MYO16: variants seen among roughly 807,000 people sequenced by gnomAD.
MYO16 encodes unconventional myosin-XVI.
In MYO16, 94 loss-of-function variants were observed where a neutral mutation model predicts 205.3. That is an observed-to-expected ratio of 0.46 (90% CI 0.39 to 0.54). MYO16 has a LOEUF of 0.54. MYO16 is among the 20% of genes least tolerant of loss of function. The pLI is 0.00. For missense variants in MYO16, 2,315 were observed against 2,387.5 expected (o/e 0.97, Z 0.63); for synonymous variants, 988 against 954.0 (o/e 1.04, Z -0.66).
the MYO16 span, among the ~76,000 whole-genome samples, chr13:108,554,759 A>C: frequency 6.8e-6 from 1 of 147,652 alleles, no homozygotes; most frequent in Non-Finnish European, 1.5e-5. Context: ...CTGAGGCAGG[A>C]GAATGACGTG....
intron 2 of MYO16, among the ~76,000 whole-genome samples, chr13:108,700,023 G>A (rs143399256): frequency 1.3e-4 from 20 of 152,078 alleles, no homozygotes; most frequent in African/African-American, 4.8e-4. Flanking sequence ...TTAATCAAAG[G>A]CTTCCAACAA....
intron 1 of MYO16, among the ~76,000 whole-genome samples, chr13:108,636,172 A>T (rs1264050077): frequency 2.0e-5 from 3 of 151,940 alleles, no homozygotes; most frequent in African/African-American, 7.3e-5. Context: ...TGATCCATTG[A>T]TTTAGTTTAA....
intron 1 of MYO16, among the ~76,000 whole-genome samples, chr13:108,623,894 GA>G (rs1476785599): frequency 6.6e-6 from 1 of 151,894 alleles, no homozygotes; most frequent in Non-Finnish European, 1.5e-5. Flanking sequence ...ACTGGTACAT[GA>G]AAAAAATGAA....
chr13:108,662,458 T>A (rs866524456), intron 1 of MYO16, among the ~76,000 whole-genome samples: 1 of 152,152 alleles, frequency 6.6e-6, no homozygotes, highest in Non-Finnish European at 1.5e-5. Flanking sequence ...GGTCTTGCTG[T>A]GGCTGCTTTG....
In MYO16 at chr13:109,028,771, C is replaced by T. The variant is rs189245965; in HGVS notation, c.2796+8860C>T. 3.9e-4 allele frequency among the ~76,000 whole-genome samples: 59 copies of T among 151,538 alleles called. No individual in the cohort carries two copies. The Middle Eastern group carries it at 0.014, about 35-fold the overall frequency. On this transcript the variant is annotated intron_variant, in intron 23 of 34. Coordinates refer to ENST00000457511, the MANE Select transcript of MYO16 (RefSeq NM_001198950.3). ...ACAGATAAAATTGTAATCTCAGACA[C>T]GTAGGCCCTGATCATTACTGTTCAT...
intron 22 of MYO16, among the ~76,000 whole-genome samples, chr13:109,009,700 A>G (rs1401902543): frequency 2.0e-5 from 3 of 152,216 alleles, no homozygotes; most frequent in African/African-American, 7.2e-5. Context: ...TTGAAAACAG[A>G]CACAATTCAG....
chr13:109,059,215 G>A (rs557122712), intron 27 of MYO16, among the ~76,000 whole-genome samples: 2 of 152,258 alleles, frequency 1.3e-5, no homozygotes, highest in South Asian at 2.1e-4. Context: ...ATTCTTAGGA[G>A]CATTTAGAAT....
chr13:108,995,021 A>G (rs1884958890), intron 21 of MYO16, among the ~76,000 whole-genome samples: 1 of 152,222 alleles, frequency 6.6e-6, no homozygotes, highest in South Asian at 2.1e-4. Context: ...CTAAAAGATG[A>G]GATACTACAG....
chr13:109,119,423 C>T (rs1875879080), intron 28 of MYO16, among the ~76,000 whole-genome samples: 1 of 152,180 alleles, frequency 6.6e-6, no homozygotes, highest in Non-Finnish European at 1.5e-5. Context: ...AATATCATCT[C>T]AGAGCTTCCT....
intron 33 of MYO16, among the ~76,000 whole-genome samples, chr13:109,176,535 G>A (rs1333630085): frequency 8.3e-6 from 1 of 120,842 alleles, no homozygotes; most frequent in African/African-American, 3.3e-5. Context: ...CCTTAAAAAG[G>A]TACTGCTTCT....
At chr13:109,097,693 A>T (rs1236330124) in intron 27 of MYO16, among the ~76,000 whole-genome samples, 2 of 152,204 alleles carry the variant, frequency 1.3e-5, no homozygotes, top group Admixed American at 1.3e-4. Flanking sequence ...CCTTTTTCAT[A>T]TCCTTGCCTC....
chr13:108,759,799 G>A (rs527731034), intron 4 of MYO16, among the ~76,000 whole-genome samples: 5 of 143,802 alleles, frequency 3.5e-5, no homozygotes, highest in Admixed American at 1.4e-4. Context: ...CAGCCTGGGC[G>A]ACACAGCGAG....
rs576863355 is a variant in MYO16, at chr13:108,953,003, A to G, written c.1926-4685A>G. ...CAACCACTGTGTTGAGATTAGTGGG[A>G]TAACATCTGTGGAGCTGAAGCGAGT... On this transcript the variant is annotated intron_variant, in intron 16 of 34. Coordinates refer to ENST00000457511, the MANE Select transcript of MYO16 (RefSeq NM_001198950.3). Among the ~76,000 whole-genome samples the G allele has an allele frequency of 1.4e-4, 21 of 152,240 alleles. 1 individual carries two copies. Among genetic ancestry groups the G allele is most frequent in the Admixed American group, 1.1e-3 (17 of 15,280 alleles).
chr13:109,134,992 AG>A lies in MYO16; in HGVS notation c.4052-5269del, dbSNP rs1369120300. Among the ~76,000 whole-genome samples the A allele has an allele frequency of 3.9e-5, 6 of 152,264 alleles. No homozygotes were observed. In the East Asian group the frequency reaches 1.2e-3, roughly 29 times the overall value. On this transcript the variant is annotated intron_variant, in intron 31 of 34. Transcript: ENST00000457511. ...CATCATCTCATCTGGCTCAGGTTCA[AG>A]GGCCAGATCGCATCGTCTAAACCAG...
chr13:108,744,204 CTT>C (rs1286096829), intron 4 of MYO16, among the ~76,000 whole-genome samples: 1 of 152,202 alleles, frequency 6.6e-6, no homozygotes. Context: ...GCTTGAATGA[CTT>C]CAACTTCCTA....
intron 4 of MYO16, among the ~76,000 whole-genome samples, chr13:108,729,297 T>G (rs1283494403): frequency 6.6e-6 from 1 of 152,142 alleles, no homozygotes; most frequent in African/African-American, 2.4e-5. Context: ...CAAATCGCCT[T>G]TCGAGTAATG....
the MYO16 span, among the ~76,000 whole-genome samples, chr13:108,583,427 G>C: frequency 2.6e-5 from 4 of 152,108 alleles, no homozygotes; most frequent in Admixed American, 6.6e-5. Flanking sequence ...CCTCATACGT[G>C]ATTCTAATAT....
chr13:108,872,647 T>C (rs1322923381), intron 12 of MYO16, among the ~76,000 whole-genome samples: 1 of 151,234 alleles, frequency 6.6e-6, no homozygotes, highest in East Asian at 1.9e-4. Context: ...AATCTATATA[T>C]GTTTCAATAT....
At position 109,083,262 on chromosome 13, in the gene MYO16, A is replaced by T. The variant is rs569991151; in HGVS notation, c.3336-17523A>T. On this transcript the variant is annotated intron_variant, in intron 27 of 34. Coordinates refer to ENST00000457511, the MANE Select transcript of MYO16 (RefSeq NM_001198950.3). ...GCTGGACGTGGTGGTGGGCGCCTGT[A>T]ATCCCAGCTACTCGGGAGGCTGAGG... Among the ~76,000 whole-genome samples, 29 of 151,906 alleles carry T rather than the reference A, an allele frequency of 1.9e-4. No individual in the cohort carries two copies. In the South Asian group the frequency reaches 6.0e-3, roughly 32 times the overall value.
Sources: allele counts gnomAD v4.1 joint callset (sites outside exome capture counted in the v4.1 genomes callset), GRCh38; gene constraint gnomAD v4.1.1; transcripts MANE v1.5; gene names NCBI Gene and HGNC (gene_info 2026-07-23, HGNC 2026-07-21).